Variants in MAST2 observed in about 807,000 individuals in gnomAD.
MAST2 encodes microtubule associated serine/threonine kinase 2, also known as microtubule-associated serine/threonine-protein kinase 2.
In MAST2, 70 loss-of-function variants were observed where a neutral mutation model predicts 147.4. The observed-to-expected ratio is 0.47, with a 90% CI of 0.39 to 0.58. MAST2 has a LOEUF of 0.58. MAST2 is among the 20% of genes least tolerant of loss of function. The probability of loss-of-function intolerance (pLI) is 0.00; values close to 1 mark genes in which losing one functional copy is unlikely to be tolerated. For missense variants in MAST2, 2,080 were observed against 2,302.3 expected (o/e 0.90, Z 1.98); for synonymous variants, 869 against 896.8 (o/e 0.97, Z 0.55).
chr1:45,928,567 C>CTTTTT (rs11374683), intron 4 of MAST2, among the ~76,000 whole-genome samples: 2 of 143,756 alleles, frequency 1.4e-5, no homozygotes, highest in South Asian at 2.2e-4. Context: ...ATCACTCTTT[C>CTTTTT]TTTTTTTTTT....
intron 1 of MAST2, among the ~76,000 whole-genome samples, chr1:45,819,252 CA>C (rs35652191): frequency 0.47 from 52,393 of 112,640 alleles, 9,775 homozygotes; most frequent in East Asian, 0.64. Flanking sequence ...AAGTCTGTCT[CA>C]AAAAAAAAAA....
chr1:45,840,477 T>C (rs1456924647), intron 3 of MAST2, among the ~76,000 whole-genome samples: 1 of 152,186 alleles, frequency 6.6e-6, no homozygotes, highest in African/African-American at 2.4e-5. Flanking sequence ...TCCTGCCACT[T>C]AGTAATCATA....
chr1:45,987,341 A>G (rs1644666817), intron 5 of MAST2, among the ~76,000 whole-genome samples: 1 of 151,936 alleles, frequency 6.6e-6, no homozygotes, highest in Non-Finnish European at 1.5e-5. Context: ...GTTTTTTGAG[A>G]CAGGGTCTGT....
chr1:45,932,296 C>A (rs1655442453), intron 4 of MAST2, among the ~76,000 whole-genome samples: 2 of 152,154 alleles, frequency 1.3e-5, no homozygotes, highest in South Asian at 4.1e-4. Context: ...TTTCATAATT[C>A]TTTCTATACC....
intron 4 of MAST2, among the ~76,000 whole-genome samples, chr1:45,941,187 T>TCCAA (rs1484688749): frequency 2.6e-5 from 4 of 152,240 alleles, no homozygotes; most frequent in Non-Finnish European, 5.9e-5. Flanking sequence ...ATAATCAGTT[T>TCCAA]TTCACACATG....
At chr1:45,817,212 T>C (rs1237052248) in intron 1 of MAST2, among the ~76,000 whole-genome samples, 1 of 152,168 alleles carries the variant, frequency 6.6e-6, no homozygotes, top group African/African-American at 2.4e-5. Flanking sequence ...GAAAGATTTC[T>C]ATATTCAAGT....
chr1:45,944,638 C>A (rs1000856978), intron 4 of MAST2, among the ~76,000 whole-genome samples: 4 of 152,200 alleles, frequency 2.6e-5, no homozygotes, highest in African/African-American at 4.8e-5. Flanking sequence ...CTAATTTAAT[C>A]TTCTCCCCCA....
At chr1:45,937,685 G>A (rs7533956) in intron 4 of MAST2, among the ~76,000 whole-genome samples, 65,313 of 146,608 alleles carry the variant, frequency 0.45, 14,774 homozygotes, top group East Asian at 0.63. Context: ...CCGGGAGGTG[G>A]AGGTTGCAGT....
chr1:45,817,525 G>C (rs760559543), intron 1 of MAST2, among the ~76,000 whole-genome samples: 2 of 152,158 alleles, frequency 1.3e-5, no homozygotes, highest in African/African-American at 4.8e-5. Flanking sequence ...TCATAAGACA[G>C]AGAAGTCGAG....
chr1:45,927,399 T>A (rs542597725), intron 4 of MAST2, among the ~76,000 whole-genome samples: 139 of 152,300 alleles, frequency 9.1e-4, no homozygotes, highest in African/African-American at 3.2e-3. Flanking sequence ...ATTTCACCCC[T>A]GCAGCCTCAA....
Position 46,025,100 on chromosome 1 carries a change from C to T in MAST2, c.1781-577C>T, listed in dbSNP as rs1482343445. On this transcript the variant is annotated intron_variant, in intron 15 of 28. Coordinates refer to ENST00000361297, the MANE Select transcript of MAST2 (RefSeq NM_015112.3). ...TTGGGAGGCTGAGCCAGGTGGATCA[C>T]CTGAGGTCAGGAATTTGAGACCAGC... Among the ~76,000 whole-genome samples the T allele has an allele frequency of 2.0e-5, 3 of 152,252 alleles. No individual in the cohort carries two copies. In the East Asian group the frequency reaches 5.8e-4, roughly 29 times the overall value.
intron 4 of MAST2, among the ~76,000 whole-genome samples, chr1:45,928,576 T>C (rs1467182203): frequency 5.9e-5 from 9 of 151,650 alleles, no homozygotes; most frequent in Non-Finnish European, 1.0e-4. Flanking sequence ...TCTTTTTTTT[T>C]TTTTCTTTTC....
At chr1:45,873,387 G>A (rs1014226965) in intron 3 of MAST2, among the ~76,000 whole-genome samples, 5 of 151,810 alleles carry the variant, frequency 3.3e-5, no homozygotes, top group Non-Finnish European at 7.4e-5. Flanking sequence ...TATTAGAGAC[G>A]AGGTCTCACT....
intron 17 of MAST2, 141 bp downstream of exon 17, chr1:46,028,004 C>T: frequency 2.1e-6 from 2 of 936,066 alleles, no homozygotes; most frequent in Non-Finnish European, 3.3e-6. Context: ...ATAGTGAGAC[C>T]CCATCTCTAC....
intron 3 of MAST2, among the ~76,000 whole-genome samples, chr1:45,867,232 C>T (rs1450513342): frequency 6.6e-6 from 1 of 152,146 alleles, no homozygotes; most frequent in African/African-American, 2.4e-5. Flanking sequence ...AATAAACACA[C>T]AAAGGTAAAG....
At chr1:45,967,744 A>G (rs115785922) in intron 5 of MAST2, among the ~76,000 whole-genome samples, 1,716 of 152,294 alleles carry the variant, frequency 0.011, 24 homozygotes, top group African/African-American at 0.036. Flanking sequence ...AAATTTGTGT[A>G]TAAGTGAACC....
At chr1:45,958,082 A>G (rs1323566584) in intron 4 of MAST2, among the ~76,000 whole-genome samples, 1 of 152,154 alleles carries the variant, frequency 6.6e-6, no homozygotes, top group Admixed American at 6.5e-5. Context: ...GGAGACTGTC[A>G]GGTTAGAGAG....
chr1:46,015,812 C>G (rs1266346228), intron 10 of MAST2, among the ~76,000 whole-genome samples: 1 of 152,150 alleles, frequency 6.6e-6, no homozygotes, highest in East Asian at 1.9e-4. Flanking sequence ...GGAATCCTCC[C>G]TAACTCATTT....
At chr1:45,882,191 CAAAA>C (rs869149432) in intron 3 of MAST2, among the ~76,000 whole-genome samples, 169 bp from the exon 4 acceptor site, 18 of 67,784 alleles carry the variant, frequency 2.7e-4, no homozygotes, top group African/African-American at 8.7e-4. Context: ...GACTCCGTCT[CAAAA>C]AAAAAAAAAA....
Sources: allele counts gnomAD v4.1 joint callset (sites outside exome capture counted in the v4.1 genomes callset), GRCh38; gene constraint gnomAD v4.1.1; transcripts MANE v1.5; gene names NCBI Gene and HGNC (gene_info 2026-07-23, HGNC 2026-07-21).